Variants in PLEKHA7 observed in about 807,000 individuals in gnomAD.
PLEKHA7 encodes pleckstrin homology domain containing A7.
PLEKHA7 carries 104 observed loss-of-function variants against 170.0 expected under a neutral mutation model. The observed-to-expected ratio is 0.61, with a 90% CI of 0.52 to 0.72. PLEKHA7 has a LOEUF of 0.72. PLEKHA7 is among the 30% of genes least tolerant of loss of function. PLEKHA7 has a pLI of 0.00. For missense variants in PLEKHA7, 1,615 were observed against 1,671.7 expected (o/e 0.97, Z 0.59); for synonymous variants, 648 against 660.8 (o/e 0.98, Z 0.30).
intron 9 of PLEKHA7, among the ~76,000 whole-genome samples, chr11:16,838,827 C>T (rs1298068707): frequency 2.0e-5 from 3 of 150,886 alleles, no homozygotes; most frequent in Non-Finnish European, 2.9e-5. Context: ...GCTGGGACTA[C>T]AGGTGCCCAC....
chr11:16,958,664 T>C (rs1029853453), intron 3 of PLEKHA7, among the ~76,000 whole-genome samples: 5 of 152,224 alleles, frequency 3.3e-5, no homozygotes, highest in African/African-American at 7.2e-5. Flanking sequence ...GTGCAAGATA[T>C]ACAGATGTAT....
intron 3 of PLEKHA7, among the ~76,000 whole-genome samples, chr11:16,930,695 T>C (rs539947938): frequency 6.6e-6 from 1 of 152,354 alleles, no homozygotes; most frequent in East Asian, 1.9e-4. Context: ...TTATTCTGTC[T>C]ATTAAAACAT....
intron 4 of PLEKHA7, among the ~76,000 whole-genome samples, chr11:16,863,825 C>T (rs1374349125): frequency 6.6e-6 from 1 of 152,090 alleles, no homozygotes; most frequent in Admixed American, 6.5e-5. Context: ...GGTCTGGCTT[C>T]AAGCTCACAA....
At position 16,991,053 on chromosome 11, in the gene PLEKHA7, G is replaced by A. The variant is rs1279882544; in HGVS notation, c.221+22936C>T. On this transcript the variant is annotated intron_variant, in intron 3 of 26. Transcript: ENST00000531066. ...CCCCAGAAGGGGTGACTGGAAGCTA[G>A]TGCAGAGACAAACAAGGATGCCGGT... is the stretch of plus-strand genomic sequence containing the variant. 2.0e-5 allele frequency among the ~76,000 whole-genome samples: 3 copies of A among 152,208 alleles called. No individual in the cohort carries two copies. In the East Asian group the frequency reaches 5.8e-4, roughly 29 times the overall value.
intron 6 of PLEKHA7, among the ~76,000 whole-genome samples, chr11:16,852,627 TAAGA>T (rs1176377419): frequency 6.6e-6 from 1 of 152,352 alleles, no homozygotes; most frequent in East Asian, 1.9e-4. Context: ...GAAAGTAAAT[TAAGA>T]AAGGAATCAG....
intron 9 of PLEKHA7, among the ~76,000 whole-genome samples, chr11:16,838,514 TAAA>T (rs56823340): frequency 7.8e-5 from 10 of 128,508 alleles, no homozygotes; most frequent in Admixed American, 1.6e-4. Flanking sequence ...CTCTGTGTCT[TAAA>T]AAAAAAAAAA....
At chr11:16,966,044 G>A (rs988997768) in intron 3 of PLEKHA7, among the ~76,000 whole-genome samples, 2 of 152,146 alleles carry the variant, frequency 1.3e-5, no homozygotes, top group African/African-American at 4.8e-5. Flanking sequence ...TTACCCAGGA[G>A]TGGTGGCGCG....
intron 3 of PLEKHA7, among the ~76,000 whole-genome samples, chr11:16,929,174 C>T (rs1159436822): frequency 6.6e-6 from 1 of 152,180 alleles, no homozygotes; most frequent in African/African-American, 2.4e-5. Context: ...TATTCCTTCC[C>T]TCTGCAAGCT....
intron 17 of PLEKHA7, among the ~76,000 whole-genome samples, chr11:16,798,441 G>C (rs1029904261): frequency 6.6e-6 from 1 of 151,740 alleles, no homozygotes; most frequent in Non-Finnish European, 1.5e-5. Flanking sequence ...CTGTCACAGT[G>C]TATCTATTTG....
chr11:16,843,579 A>G (rs1350172796), intron 8 of PLEKHA7, among the ~76,000 whole-genome samples: 4 of 152,238 alleles, frequency 2.6e-5, no homozygotes, highest in Admixed American at 6.5e-5. Flanking sequence ...CTTTGCATGT[A>G]TCAGCTATCA....
intron 3 of PLEKHA7, among the ~76,000 whole-genome samples, chr11:16,967,651 A>ACCCCTGCTTTGCCTCCCTCC (rs1862455306): frequency 6.6e-6 from 1 of 151,512 alleles, no homozygotes; most frequent in African/African-American, 2.4e-5. Flanking sequence ...CTACTCCATC[A>ACCCCTGCTTTGCCTCCCTCC]CCCCTGCTTT....
intron 13 of PLEKHA7, among the ~76,000 whole-genome samples, chr11:16,811,873 T>C (rs1185401294): frequency 1.3e-5 from 2 of 152,212 alleles, no homozygotes; most frequent in Non-Finnish European, 2.9e-5. Context: ...TGGCTCTCAC[T>C]GATCCTTCCC....
chr11:16,831,583 AATTCCTGACACTCAGTGGCC>A (rs1439644354), intron 9 of PLEKHA7, among the ~76,000 whole-genome samples: 13 of 152,202 alleles, frequency 8.5e-5, no homozygotes, highest in Non-Finnish European at 1.6e-4. Context: ...AAACACAGGA[AATTCCTGACACTCAGTGGCC>A]ATTTTGGCCA....
At chr11:16,882,226 A>G (rs903521543) in intron 3 of PLEKHA7, among the ~76,000 whole-genome samples, 1 of 152,234 alleles carries the variant, frequency 6.6e-6, no homozygotes, top group African/African-American at 2.4e-5. Flanking sequence ...CTGTATTACT[A>G]AAACTCGTAT....
intron 3 of PLEKHA7, among the ~76,000 whole-genome samples, chr11:16,907,684 T>G (rs1590575189): frequency 2.5e-5 from 3 of 118,662 alleles, no homozygotes; most frequent in African/African-American, 3.1e-5. Context: ...GTCCGGGAGG[T>G]GAGGGGCGCC....
chr11:16,946,418 G>T (rs918714396), intron 3 of PLEKHA7, among the ~76,000 whole-genome samples: 2 of 152,108 alleles, frequency 1.3e-5, no homozygotes, highest in African/African-American at 4.8e-5. Context: ...GACCAGGCAG[G>T]ATTATACCAA....
At chr11:16,867,202 G>T (rs1854464819) in intron 4 of PLEKHA7, among the ~76,000 whole-genome samples, 1 of 152,168 alleles carries the variant, frequency 6.6e-6, no homozygotes, top group Non-Finnish European at 1.5e-5. Context: ...ACCTGCATCA[G>T]AATCAACTGG....
chr11:16,979,156 C>T (rs546396874), intron 3 of PLEKHA7, among the ~76,000 whole-genome samples: 1 of 152,196 alleles, frequency 6.6e-6, no homozygotes, highest in African/African-American at 2.4e-5. Flanking sequence ...TCCTGCCTCA[C>T]GAGTAGCTGG....
chr11:16,975,856 A>G (rs760533173), intron 3 of PLEKHA7, among the ~76,000 whole-genome samples: 2 of 152,290 alleles, frequency 1.3e-5, no homozygotes, highest in South Asian at 4.1e-4. Context: ...TAAAGCTCCA[A>G]TTTTGCCATC....
Sources: gnomAD v4.1 joint callset for allele counts (sites outside exome capture counted in the v4.1 genomes callset) on GRCh38, gnomAD v4.1.1 for gene constraint, MANE v1.5 for transcripts, NCBI Gene and HGNC (gene_info 2026-07-23, HGNC 2026-07-21) for gene names.